Variants in LIMD1 observed in about 807,000 individuals in gnomAD.
LIMD1 encodes the protein LIM domain containing 1.
In LIMD1, 23 loss-of-function variants were observed where a neutral mutation model predicts 58.4. That is an observed-to-expected ratio of 0.39 (90% CI 0.28 to 0.56). The LOEUF is 0.56. Among genes scored for constraint, LIMD1 ranks in the 20% least tolerant of loss-of-function variants. The pLI, the probability that LIMD1 is intolerant of heterozygous loss-of-function variation, is 0.57. For missense variants in LIMD1, 838 were observed against 855.5 expected (o/e 0.98, Z 0.25); for synonymous variants, 334 against 345.5 (o/e 0.97, Z 0.37).
intron 1 of LIMD1, among the ~76,000 whole-genome samples, chr3:45,604,560 C>T (rs1575342588): frequency 6.6e-6 from 1 of 152,162 alleles, no homozygotes; most frequent in Admixed American, 6.5e-5. Flanking sequence ...CTCACTGTGA[C>T]CTTGGAGACC....
chr3:45,622,675 T>A (rs537141839), intron 1 of LIMD1, among the ~76,000 whole-genome samples: 2 of 152,006 alleles, frequency 1.3e-5, no homozygotes, highest in African/African-American at 4.8e-5. Context: ...GGAATTTTTT[T>A]TTTTTTTTTT....
chr3:45,602,232 G>A (rs183223858), intron 1 of LIMD1, among the ~76,000 whole-genome samples: 1 of 152,344 alleles, frequency 6.6e-6, no homozygotes, highest in East Asian at 1.9e-4. Flanking sequence ...ATAGGCGTGA[G>A]CCACTGCGCC....
chr3:45,626,333 G>A (rs941693354), intron 1 of LIMD1, among the ~76,000 whole-genome samples: 1 of 152,158 alleles, frequency 6.6e-6, no homozygotes, highest in African/African-American at 2.4e-5. Context: ...AATTTGGCAA[G>A]ATGTCCTTCA....
chr3:45,599,240 G>A (rs267234), intron 1 of LIMD1, among the ~76,000 whole-genome samples: 30,979 of 151,780 alleles, frequency 0.2, 3,641 homozygotes, highest in Non-Finnish European at 0.27. Flanking sequence ...CATTCACAAC[G>A]TTGTACAATG....
At chr3:45,609,151 T>TA (rs750158889) in intron 1 of LIMD1, among the ~76,000 whole-genome samples, 3 of 152,184 alleles carry the variant, frequency 2.0e-5, no homozygotes, top group Non-Finnish European at 2.9e-5. Flanking sequence ...GATTACCTGT[T>TA]AGAGTTTTGA....
intron 2 of LIMD1, among the ~76,000 whole-genome samples, chr3:45,664,032 A>G (rs905564128): frequency 6.6e-6 from 1 of 151,916 alleles, no homozygotes; most frequent in Admixed American, 6.6e-5. Context: ...CACCATGCCC[A>G]GCTCTTTTTT....
At position 45,595,852 on chromosome 3, in the gene LIMD1, G is replaced by A. The variant is rs1315401859; in HGVS notation, c.973G>A (p.Val325Met). Residue 325 changes from valine (V) to methionine (M), a missense_variant, in exon 1 of 8, where the codon GTG (valine) becomes ATG (methionine). Physicochemically the swap from Val to Met is conservative, Grantham distance 21. Around this residue, in one of 3 missense-constraint regions of LIMD1, gnomAD observed 659 missense variants for 639.8 expected, o/e 1.03. Coordinates refer to ENST00000273317, the MANE Select transcript of LIMD1 (RefSeq NM_014240.3). ...NSGLGGEVSGVMSKPNVDPQP... is the reference protein window; with the variant it reads ...NSGLGGEVSGMMSKPNVDPQP... ...GGGGCTGGGGGGTGAGGTTTCAGGT[G>A]TGATGTCCAAACCCAATGTGGACCC... The A allele has an allele frequency of 3.1e-6, 5 of 1,614,106 alleles. No individual in the cohort carries two copies. The highest frequency in any genetic ancestry group is 2.2e-5 in the East Asian group (1 of 44,898).
At chr3:45,664,302 G>A (rs142262565) in intron 2 of LIMD1, among the ~76,000 whole-genome samples, 23 of 152,260 alleles carry the variant, frequency 1.5e-4, no homozygotes, top group South Asian at 2.1e-4. Context: ...AACTGTGCCC[G>A]GCCAGATACT....
rs780631253 is a variant in LIMD1 at position 45,672,702 on chromosome 3, C to A, written c.1654C>A (p.Leu552Met). ...HLIMDMILQA[L>M]GKSYHPGCFR... ...GTCTCTGCTCCAGATCCTGCAAGCC[C>A]TGGGGAAGTCCTACCACCCCGGCTG... Residue 552 changes from leucine to methionine, a missense_variant, in exon 5 of 8, where the codon CTG becomes ATG. Leu to Met is a conservative substitution (Grantham distance 15, BLOSUM62 2). This residue lies in a region of LIMD1 where 174 missense variants were observed against 197.4 expected (regional missense o/e 0.88). Transcript: ENST00000273317. 7.4e-6 allele frequency: 12 copies of A among 1,613,914 alleles called. No individual in the cohort carries two copies. The Middle Eastern group carries it at 5.0e-4, about 68-fold the overall frequency.
chr3:45,667,052 C>T (rs1047337713), intron 3 of LIMD1, among the ~76,000 whole-genome samples: 7 of 152,180 alleles, frequency 4.6e-5, no homozygotes, highest in African/African-American at 9.6e-5. Context: ...AGTTTTTGGC[C>T]GTGTATCTCA....
At chr3:45,605,941 T>C (rs1363978206) in intron 1 of LIMD1, among the ~76,000 whole-genome samples, 2 of 152,230 alleles carry the variant, frequency 1.3e-5, no homozygotes, top group Non-Finnish European at 2.9e-5. Context: ...CTCCCTTCTT[T>C]GTCCCAGTGC....
intron 4 of LIMD1, among the ~76,000 whole-genome samples, chr3:45,670,837 T>G (rs1420320838): frequency 6.6e-6 from 1 of 152,204 alleles, no homozygotes. Flanking sequence ...TTAGTGAATG[T>G]CTAGACAGAA....
intron 1 of LIMD1, among the ~76,000 whole-genome samples, chr3:45,614,600 A>G (rs1484901560): frequency 6.6e-6 from 1 of 151,542 alleles, no homozygotes; most frequent in African/African-American, 2.4e-5. Context: ...GTGCGTGCCT[A>G]TAGTTCCAGG....
intron 1 of LIMD1, among the ~76,000 whole-genome samples, chr3:45,619,020 A>G (rs778617121): frequency 6.6e-6 from 1 of 152,172 alleles, no homozygotes; most frequent in African/African-American, 2.4e-5. Flanking sequence ...TTCTTTATGT[A>G]TGCATCACTA....
chr3:45,609,065 A>C (rs1450460100), intron 1 of LIMD1, among the ~76,000 whole-genome samples: 1 of 152,224 alleles, frequency 6.6e-6, no homozygotes, highest in African/African-American at 2.4e-5. Context: ...AGTGGCTAAG[A>C]AACAGTGGAT....
chr3:45,656,289 A>G (rs2125665528), intron 2 of LIMD1, among the ~76,000 whole-genome samples: 1 of 152,290 alleles, frequency 6.6e-6, no homozygotes, highest in Non-Finnish European at 1.5e-5. Context: ...CATTCCCCTT[A>G]GTCTGAGAGA....
At chr3:45,676,218 G>C (rs1365641243) in intron 7 of LIMD1, among the ~76,000 whole-genome samples, 2 of 151,568 alleles carry the variant, frequency 1.3e-5, no homozygotes, top group African/African-American at 2.4e-5. Context: ...CTCCAGCCTA[G>C]AAAACAGAGG....
chr3:45,633,566 A>G lies in LIMD1; in HGVS notation c.1409-2584A>G, dbSNP rs549658437. Among the ~76,000 whole-genome samples the G allele has an allele frequency of 1.6e-4, 25 of 152,356 alleles. No individual in the cohort carries two copies. In the East Asian group the frequency reaches 3.1e-3, roughly 19 times the overall value. On this transcript the variant is annotated intron_variant, in intron 1 of 7. Transcript: ENST00000273317. ...GAATGGTTAGCAAAACATCAATTAT[A>G]GAATTGGGATGGTGAGTATGTGGGT...
intron 1 of LIMD1, among the ~76,000 whole-genome samples, chr3:45,619,322 T>C (rs1190498423): frequency 6.6e-6 from 1 of 152,236 alleles, no homozygotes; most frequent in African/African-American, 2.4e-5. Flanking sequence ...AGCTCTTCTT[T>C]ATACTTGAGT....
Sources: allele counts gnomAD v4.1 joint callset (sites outside exome capture counted in the v4.1 genomes callset), GRCh38; gene constraint gnomAD v4.1.1; regional missense constraint gnomAD v4.1.1; transcripts MANE v1.5; gene names NCBI Gene and HGNC (gene_info 2026-07-23, HGNC 2026-07-21).